PROM1: variants seen among roughly 807,000 people sequenced by gnomAD.
PROM1 encodes the protein prominin 1, also known as prominin-1.
A neutral mutation model predicts 116.9 loss-of-function variants in PROM1; 105 were observed. The observed-to-expected ratio is 0.90, with a 90% confidence interval of 0.77 to 1.06. The LOEUF is 1.06. Among genes scored for constraint, PROM1 ranks in the 50% least tolerant of loss-of-function variants. PROM1 has a pLI of 0.00. For missense variants in PROM1, 1,122 were observed against 1,045.2 expected (o/e 1.07, Z -1.01); for synonymous variants, 393 against 387.0 (o/e 1.02, Z -0.18).
intron 15 of PROM1, among the ~76,000 whole-genome samples, chr4:15,996,533 AAAT>A (rs1161696976): frequency 4.6e-5 from 7 of 152,120 alleles, no homozygotes; most frequent in African/African-American, 1.7e-4. Flanking sequence ...ATAAATAAAT[AAAT>A]AAATAAATAC....
rs771926209 is a variant in PROM1, at chr4:16,018,338, G to A, written c.987C>T (p.Asn329=). 1 of 1,613,128 alleles carries A rather than the reference G, an allele frequency of 6.2e-7. No homozygotes were observed. The highest frequency in any genetic ancestry group is 1.7e-5 in the Admixed American group (1 of 60,000). ...IRLSLSQLNS[N]PELRQLPPVD... ...GCCTGCTCACCTGCCTCAGTTCAGGGTTGCTATTCAGCTGGCTTAGAGACA... is the reference window on the plus strand; with the variant it reads ...GCCTGCTCACCTGCCTCAGTTCAGGATTGCTATTCAGCTGGCTTAGAGACA... The change falls in exon 9 of 28, where the codon AAC becomes AAT. Residue 329 remains asparagine, a synonymous_variant. Coordinates refer to ENST00000447510, the MANE Select transcript of PROM1 (RefSeq NM_006017.3).
intron 1 of PROM1, among the ~76,000 whole-genome samples, chr4:16,079,123 AAGCC>A (rs1744530144): frequency 6.6e-6 from 1 of 152,124 alleles, no homozygotes; most frequent in Admixed American, 6.5e-5. Context: ...GCAGAGAGCT[AAGCC>A]TCCAGCACAG....
intron 2 of PROM1, among the ~76,000 whole-genome samples, chr4:16,058,015 T>A (rs1019540124): frequency 6.6e-6 from 1 of 152,162 alleles, no homozygotes; most frequent in African/African-American, 2.4e-5. Context: ...CCTGAAACTG[T>A]CCAGGCCAAT....
chr4:15,994,724 T>C (rs1449081528), intron 15 of PROM1, among the ~76,000 whole-genome samples: 1 of 152,226 alleles, frequency 6.6e-6, no homozygotes, highest in Non-Finnish European at 1.5e-5. Flanking sequence ...TAGGCCTCAT[T>C]GGATGTGTAT....
intron 5 of PROM1, among the ~76,000 whole-genome samples, chr4:16,027,718 CTT>C (rs991250916): frequency 4.3e-4 from 65 of 152,272 alleles, no homozygotes; most frequent in African/African-American, 1.4e-3. Flanking sequence ...GAAACTACTT[CTT>C]TGTTAACTTT....
chr4:16,065,697 T>C (rs774579455), intron 2 of PROM1, among the ~76,000 whole-genome samples: 4 of 152,160 alleles, frequency 2.6e-5, no homozygotes, highest in Non-Finnish European at 5.9e-5. Flanking sequence ...GATTCTGTCT[T>C]TCTCAAGAAA....
intron 2 of PROM1, among the ~76,000 whole-genome samples, chr4:16,061,777 C>T (rs1225720780): frequency 6.6e-6 from 1 of 152,128 alleles, no homozygotes; most frequent in Non-Finnish European, 1.5e-5. Flanking sequence ...CTTCTGAAGC[C>T]TCTAAAGAAG....
At chr4:16,006,227 A>C (rs1245578818) in intron 13 of PROM1, among the ~76,000 whole-genome samples, 2 of 152,396 alleles carry the variant, frequency 1.3e-5, no homozygotes, top group African/African-American at 4.8e-5. Flanking sequence ...ATAGAAATCA[A>C]GAAAGCAAGT....
At chr4:16,056,764 T>A (rs1352857359) in intron 2 of PROM1, among the ~76,000 whole-genome samples, 1 of 152,122 alleles carries the variant, frequency 6.6e-6, no homozygotes, top group Non-Finnish European at 1.5e-5. Flanking sequence ...GCGTTTGGCA[T>A]GTTCCAGGGA....
At chr4:15,984,479 T>G (rs1216625034) in intron 22 of PROM1, 124 bp from the exon 23 acceptor site, 8 of 619,184 alleles carry the variant, frequency 1.3e-5, no homozygotes, top group Non-Finnish European at 1.9e-5. Flanking sequence ...AAGACAGGGG[T>G]CCCCAACTCC....
At chr4:15,977,189 G>A (rs962230362) in intron 26 of PROM1, among the ~76,000 whole-genome samples, 1 of 106,834 alleles carries the variant, frequency 9.4e-6, no homozygotes, top group African/African-American at 3.0e-5. Flanking sequence ...CTCCACCCAG[G>A]CTTGCATCTC....
At chr4:16,018,589 A>G (rs1264513085) in intron 8 of PROM1, 49 bp from the exon 9 acceptor site, 2 of 1,518,732 alleles carry the variant, frequency 1.3e-6, no homozygotes, top group African/African-American at 2.7e-5. Flanking sequence ...GTCCCTCCTC[A>G]TCTACAAAAG....
intron 8 of PROM1, among the ~76,000 whole-genome samples, chr4:16,019,031 C>T (rs1165754760): frequency 6.6e-6 from 1 of 152,220 alleles, no homozygotes; most frequent in African/African-American, 2.4e-5. Context: ...TGGATCTCAG[C>T]TTTGCTATTT....
intron 23 of PROM1, among the ~76,000 whole-genome samples, chr4:15,981,565 C>G (rs1444030378): frequency 7.0e-6 from 1 of 142,206 alleles, no homozygotes; most frequent in African/African-American, 2.6e-5. Flanking sequence ...GAACGAGACT[C>G]TATCTCAAAA....
At chr4:16,020,961 C>T (rs1450974019) in intron 8 of PROM1, among the ~76,000 whole-genome samples, 2 of 151,920 alleles carry the variant, frequency 1.3e-5, no homozygotes, top group Admixed American at 1.3e-4. Flanking sequence ...ACTTAATTAC[C>T]ATTTTGCCAG....
chr4:16,045,413 G>A (rs1195023623), intron 2 of PROM1, among the ~76,000 whole-genome samples: 1 of 152,160 alleles, frequency 6.6e-6, no homozygotes, highest in East Asian at 1.9e-4. Flanking sequence ...GCAGTCCCCA[G>A]ACCACACCAC....
chr4:16,078,920 AT>A (rs1219606496), intron 1 of PROM1, among the ~76,000 whole-genome samples: 1 of 152,146 alleles, frequency 6.6e-6, no homozygotes, highest in Non-Finnish European at 1.5e-5. Flanking sequence ...CCTTTGTCAA[AT>A]CATGGGCTGC....
chr4:16,032,900 A>G (rs1405126572), intron 5 of PROM1, among the ~76,000 whole-genome samples: 5 of 152,218 alleles, frequency 3.3e-5, no homozygotes, highest in Non-Finnish European at 7.4e-5. Flanking sequence ...CAGTCCATCA[A>G]GATTCCTTTG....
intron 1 of PROM1, among the ~76,000 whole-genome samples, chr4:16,081,828 CAGAA>C (rs1745097102): frequency 6.6e-6 from 1 of 151,492 alleles, no homozygotes; most frequent in African/African-American, 2.4e-5. Context: ...GTATAAAAAT[CAGAA>C]GGAAGTTTAG....
Sources: gnomAD v4.1 joint callset for allele counts (sites outside exome capture counted in the v4.1 genomes callset) on GRCh38, gnomAD v4.1.1 for gene constraint, MANE v1.5 for transcripts, NCBI Gene and HGNC (gene_info 2026-07-23, HGNC 2026-07-21) for gene names.